Variants in MYO1E observed in about 807,000 individuals in gnomAD.
MYO1E encodes the protein myosin IE, also known as unconventional myosin-Ie.
In MYO1E, 68 loss-of-function variants were observed where a neutral mutation model predicts 151.1. The observed-to-expected ratio is 0.45, with a 90% confidence interval of 0.37 to 0.55. MYO1E has a LOEUF of 0.55. MYO1E is among the 20% of genes least tolerant of loss of function. MYO1E has a pLI of 0.00. For missense variants in MYO1E, 1,363 were observed against 1,389.3 expected (o/e 0.98, Z 0.30); for synonymous variants, 601 against 501.7 (o/e 1.20, Z -2.64).
At position 59,216,903 on chromosome 15, in the gene MYO1E, G is replaced by C. The variant is rs1439837771; in HGVS notation, c.1107+988C>G. Among the ~76,000 whole-genome samples, 6 of 151,460 alleles carry C rather than the reference G, an allele frequency of 4.0e-5. No individual in the cohort carries two copies. In the South Asian group the frequency reaches 1.0e-3, roughly 26 times the overall value. ...TGACAATACCTGAGTCCAAGATTAG[G>C]ACATAAAAAACTGGCTTCTTGCTCA... On this transcript the variant is annotated intron_variant, in intron 10 of 27. Transcript: ENST00000288235.
intron 4 of MYO1E, 25 bp from the exon 5 acceptor site, chr15:59,236,697 CA>C: frequency 6.3e-7 from 1 of 1,583,812 alleles, no homozygotes; most frequent in Non-Finnish European, 8.7e-7. Flanking sequence ...ACAAAGAATC[CA>C]CCTGAGAAGT....
intron 26 of MYO1E, among the ~76,000 whole-genome samples, chr15:59,148,750 G>C (rs1159852618): frequency 6.6e-6 from 1 of 152,108 alleles, no homozygotes; most frequent in Non-Finnish European, 1.5e-5. Flanking sequence ...TATTTCTATT[G>C]ACCCCTCCTT....
Position 59,137,206 on chromosome 15 carries a change from C to T in MYO1E, c.*174G>A. The T allele has an allele frequency of 1.5e-6, 1 of 660,770 alleles. No individual in the cohort carries two copies. Among genetic ancestry groups the T allele is most frequent in the Non-Finnish European group, 2.7e-6 (1 of 367,042 alleles). 40.9% of individuals were successfully genotyped at this position (660,770 alleles called of 1,614,324 possible). ...TTTTAGGATCACTTATGGAGTGATA[C>T]TCCCTGTCCCCAACCCAGCCTTTTC... is the stretch of plus-strand genomic sequence containing the variant. On this transcript the variant is annotated 3_prime_UTR_variant, in exon 28 of 28. Coordinates refer to ENST00000288235, the MANE Select transcript of MYO1E (RefSeq NM_004998.4).
intron 26 of MYO1E, among the ~76,000 whole-genome samples, chr15:59,151,547 A>G (rs895749609): frequency 3.9e-5 from 6 of 152,376 alleles, no homozygotes; most frequent in Middle Eastern, 3.4e-3. Flanking sequence ...AGAACATGGT[A>G]AAGCTCTTAA....
intron 1 of MYO1E, among the ~76,000 whole-genome samples, chr15:59,311,961 G>C (rs901174846): frequency 6.6e-6 from 1 of 152,048 alleles, no homozygotes; most frequent in Non-Finnish European, 1.5e-5. Context: ...GCAGCCCCTC[G>C]ATCATGAACT....
At chr15:59,181,390 T>C (rs1406676316) in intron 18 of MYO1E, among the ~76,000 whole-genome samples, 1 of 152,252 alleles carries the variant, frequency 6.6e-6, no homozygotes, top group Non-Finnish European at 1.5e-5. Context: ...ACACATTGCC[T>C]AGCTCAGAGA....
intron 2 of MYO1E, among the ~76,000 whole-genome samples, chr15:59,267,257 C>T (rs1464048974): frequency 3.3e-5 from 5 of 152,004 alleles, no homozygotes; most frequent in Admixed American, 6.6e-5. Flanking sequence ...AATCTCCTGA[C>T]CTCATGATCC....
At chr15:59,147,523 C>G (rs1446073688) in intron 26 of MYO1E, among the ~76,000 whole-genome samples, 1 of 127,942 alleles carries the variant, frequency 7.8e-6, no homozygotes, top group African/African-American at 3.0e-5. Flanking sequence ...ACGTGGGAGG[C>G]AGAGGTTGAG....
At chr15:59,371,271 G>A (rs1398357485) in intron 1 of MYO1E, among the ~76,000 whole-genome samples, 1 of 152,046 alleles carries the variant, frequency 6.6e-6, no homozygotes, top group African/African-American at 2.4e-5. Flanking sequence ...CTGCTCACCG[G>A]GATATCGATT....
intron 26 of MYO1E, among the ~76,000 whole-genome samples, chr15:59,142,818 T>G (rs1424031344): frequency 6.8e-6 from 1 of 145,998 alleles, no homozygotes; most frequent in African/African-American, 2.6e-5. Context: ...CTGGTGAAAC[T>G]CACAATGATT....
intron 25 of MYO1E, among the ~76,000 whole-genome samples, 197 bp from the exon 26 acceptor site, chr15:59,153,988 C>T (rs2140307114): frequency 6.6e-6 from 1 of 152,344 alleles, no homozygotes; most frequent in East Asian, 1.9e-4. Flanking sequence ...TTCCCCATCA[C>T]CGGGCTTTAC....
chr15:59,372,323 C>A (rs2080951495), intron 1 of MYO1E, among the ~76,000 whole-genome samples, 175 bp downstream of exon 1: 1 of 152,178 alleles, frequency 6.6e-6, no homozygotes, highest in Admixed American at 6.5e-5. Context: ...GCTCGCTCTC[C>A]CCCGGCCCGG....
At chr15:59,338,344 G>A (rs114877860) in intron 1 of MYO1E, among the ~76,000 whole-genome samples, 3,740 of 143,354 alleles carry the variant, frequency 0.026, 103 homozygotes, top group African/African-American at 0.067. Flanking sequence ...CACATAGTAC[G>A]TTCCTGACTC....
chr15:59,200,198 C>A (rs1214323903), intron 16 of MYO1E, among the ~76,000 whole-genome samples: 1 of 152,162 alleles, frequency 6.6e-6, no homozygotes, highest in East Asian at 1.9e-4. Flanking sequence ...ATAATCCAGA[C>A]CACTTGAAAA....
chr15:59,337,327 C>G (rs2080735162), intron 1 of MYO1E, among the ~76,000 whole-genome samples: 1 of 152,168 alleles, frequency 6.6e-6, no homozygotes, highest in South Asian at 2.1e-4. Context: ...ATGATGAAAC[C>G]TGCTCTGCTC....
intron 1 of MYO1E, among the ~76,000 whole-genome samples, chr15:59,329,359 G>C (rs1485605765): frequency 6.6e-6 from 1 of 152,204 alleles, no homozygotes; most frequent in African/African-American, 2.4e-5. Context: ...GCCATAGCTA[G>C]AAAGTGGTGT....
chr15:59,276,924 G>A (rs563283717), intron 1 of MYO1E, among the ~76,000 whole-genome samples: 3 of 152,290 alleles, frequency 2.0e-5, no homozygotes, highest in African/African-American at 7.2e-5. Context: ...CTGGCCCCAC[G>A]CGGCAGCGGT....
At chr15:59,302,256 A>G (rs2080487572) in intron 1 of MYO1E, among the ~76,000 whole-genome samples, 1 of 152,206 alleles carries the variant, frequency 6.6e-6, no homozygotes, top group African/African-American at 2.4e-5. Context: ...CCAATTAACG[A>G]AGGCACTGTC....
At chr15:59,147,280 A>C (rs2079446808) in intron 26 of MYO1E, among the ~76,000 whole-genome samples, 1 of 152,306 alleles carries the variant, frequency 6.6e-6, no homozygotes, top group Admixed American at 6.5e-5. Context: ...TGTTATGATG[A>C]CTGCAGCTCA....
Sources: allele counts gnomAD v4.1 joint callset (sites outside exome capture counted in the v4.1 genomes callset), GRCh38; gene constraint gnomAD v4.1.1; transcripts MANE v1.5; gene names NCBI Gene and HGNC (gene_info 2026-07-23, HGNC 2026-07-21).